FARS2: variants seen among roughly 807,000 people sequenced by gnomAD.
FARS2 encodes phenylalanyl-tRNA synthetase 2, mitochondrial, also known as phenylalanine--tRNA ligase, mitochondrial.
A neutral mutation model predicts 46.4 loss-of-function variants in FARS2; 40 were observed. That is an observed-to-expected ratio of 0.86 (90% CI 0.67 to 1.12). The LOEUF (loss-of-function observed/expected upper bound fraction) is 1.12. Ranked by LOEUF, FARS2 falls within the 50% of genes most tolerant of loss-of-function variation. The pLI is 0.00. For synonymous variants in FARS2, 234 were observed against 214.9 expected, an observed-to-expected ratio of 1.09 and a Z score of -0.78; for missense variants, 513 against 567.9, an observed-to-expected ratio of 0.90 and a Z score of 0.98.
intron 1 of FARS2, among the ~76,000 whole-genome samples, chr6:5,290,631 T>C (rs897555292): frequency 6.6e-6 from 1 of 152,248 alleles, no homozygotes; most frequent in African/African-American, 2.4e-5. Context: ...CTGTGATTGG[T>C]TGATGAGCTC....
rs1762636685 is a variant in FARS2, at chr6:5,764,224, G to C, written c.1218-7067G>C. Among the ~76,000 whole-genome samples, 1 of 152,114 alleles carries C rather than the reference G, an allele frequency of 6.6e-6. No homozygotes were observed. The highest frequency in any genetic ancestry group is 1.5e-5 in the Non-Finnish European group (1 of 68,014). On this transcript the variant is annotated intron_variant, in intron 6 of 6. Transcript: ENST00000274680. The surrounding 1 kb of genome is among the most constrained non-coding windows in gnomAD (Gnocchi z 4.1). ...CGAGAAGGGTGATGTAAGCTGCCCA[G>C]AGTCGCACAGCTAGCAAAGGGCAGA...
intron 1 of FARS2, among the ~76,000 whole-genome samples, chr6:5,334,788 A>G (rs1337403833): frequency 1.3e-5 from 2 of 152,220 alleles, no homozygotes; most frequent in African/African-American, 4.8e-5. Context: ...TGTCTTTAAC[A>G]TAAAATAATT....
Position 5,631,425 on chromosome 6 carries a change from A to G in FARS2, c.1217+18105A>G, listed in dbSNP as rs376926989. ...GTTTAAGTAAAGGAGATCAATATAGATATTCAAGATTGAAAAATCCTAATA... is the reference window on the plus strand; with the variant it reads ...GTTTAAGTAAAGGAGATCAATATAGGTATTCAAGATTGAAAAATCCTAATA... On this transcript the variant is annotated intron_variant, in intron 6 of 6. Transcript: ENST00000274680. Among the ~76,000 whole-genome samples the G allele has an allele frequency of 2.6e-5, 4 of 152,368 alleles. No homozygotes were observed. In the South Asian group the frequency reaches 6.2e-4, roughly 24 times the overall value.
At chr6:5,445,357 G>A (rs774211984) in intron 4 of FARS2, among the ~76,000 whole-genome samples, 5 of 152,110 alleles carry the variant, frequency 3.3e-5, no homozygotes, top group Non-Finnish European at 7.3e-5. Context: ...TAGAAGTTTA[G>A]GAATTATTTA....
intron 6 of FARS2, among the ~76,000 whole-genome samples, chr6:5,674,615 T>G (rs1486606175): frequency 6.7e-6 from 1 of 149,870 alleles, no homozygotes; most frequent in African/African-American, 2.4e-5. Context: ...TTCAAATTTG[T>G]TTTTTTTCAC....
intron 5 of FARS2, among the ~76,000 whole-genome samples, chr6:5,566,118 C>T (rs904334735): frequency 6.6e-6 from 1 of 152,148 alleles, no homozygotes; most frequent in South Asian, 2.1e-4. Context: ...CATCTGGATG[C>T]TATGGGAGAA....
At chr6:5,697,965 A>C (rs1465161439) in intron 6 of FARS2, among the ~76,000 whole-genome samples, 1 of 152,198 alleles carries the variant, frequency 6.6e-6, no homozygotes, top group Non-Finnish European at 1.5e-5. Flanking sequence ...GTTAGAACTC[A>C]ATGTAGAAAA....
intron 4 of FARS2, among the ~76,000 whole-genome samples, chr6:5,530,460 A>G (rs192504552): frequency 2.0e-5 from 3 of 152,230 alleles, no homozygotes; most frequent in African/African-American, 7.2e-5. Context: ...AAAATGTCAA[A>G]ATTTGAATAT....
At chr6:5,659,245 T>G (rs6597156) in intron 6 of FARS2, among the ~76,000 whole-genome samples, 101,340 of 152,040 alleles carry the variant, frequency 0.67, 34,612 homozygotes, top group South Asian at 0.79. Flanking sequence ...TGGTGCTATT[T>G]TCTCATTTTC....
chr6:5,736,118 CCAAGCT>C (rs139345542), intron 6 of FARS2, among the ~76,000 whole-genome samples: 7,881 of 152,230 alleles, frequency 0.052, 671 homozygotes, highest in African/African-American at 0.18. Flanking sequence ...GGACCCCCTT[CCAAGCT>C]CAGTCAGTCG....
intron 6 of FARS2, among the ~76,000 whole-genome samples, chr6:5,652,149 C>T (rs1344328025): frequency 2.0e-5 from 3 of 152,196 alleles, no homozygotes; most frequent in Non-Finnish European, 2.9e-5. Flanking sequence ...CTAAGTGCTT[C>T]TCTTCGGTGA....
chr6:5,725,498 G>T (rs191480608), intron 6 of FARS2, among the ~76,000 whole-genome samples: 48 of 152,382 alleles, frequency 3.1e-4, no homozygotes, highest in Admixed American at 2.2e-3. Context: ...GCCACTGGCA[G>T]TGGGAAGAGT....
chr6:5,552,870 A>G (rs1009155185), intron 5 of FARS2, among the ~76,000 whole-genome samples: 1 of 152,170 alleles, frequency 6.6e-6, no homozygotes, highest in Admixed American at 6.5e-5. Context: ...TCTTTGTTGC[A>G]TATACTCCTG....
intron 3 of FARS2, among the ~76,000 whole-genome samples, chr6:5,425,208 G>C (rs529215373): frequency 2.6e-5 from 4 of 151,856 alleles, no homozygotes; most frequent in Non-Finnish European, 5.9e-5. Flanking sequence ...GGGTACCCCT[G>C]GTTTGGTGTA....
intron 6 of FARS2, among the ~76,000 whole-genome samples, chr6:5,719,396 T>TAAAAA (rs55695285): frequency 8.1e-6 from 1 of 123,048 alleles, no homozygotes; most frequent in Non-Finnish European, 1.6e-5. Flanking sequence ...CAAAAAAAAT[T>TAAAAA]AAAAAAAAAA....
Position 5,519,006 on chromosome 6 carries a change from G to T in FARS2, c.905-26174G>T, listed in dbSNP as rs188798218. On this transcript the variant is annotated intron_variant, in intron 4 of 6. Coordinates refer to ENST00000274680, the MANE Select transcript of FARS2 (RefSeq NM_006567.5). ...TAAGGAGCCATTTTGCACAAAATAGGTGATAATTTTGTGGTAAAATTTTAC... is the reference window on the plus strand; with the variant it reads ...TAAGGAGCCATTTTGCACAAAATAGTTGATAATTTTGTGGTAAAATTTTAC... Among the ~76,000 whole-genome samples the T allele has an allele frequency of 9.2e-5, 14 of 152,190 alleles. No individual in the cohort carries two copies. The East Asian group carries it at 2.7e-3, about 29-fold the overall frequency.
intron 1 of FARS2, among the ~76,000 whole-genome samples, chr6:5,323,492 G>C (rs1770130937): frequency 6.6e-6 from 1 of 152,128 alleles, no homozygotes; most frequent in Non-Finnish European, 1.5e-5. Flanking sequence ...TGCTTTCCTT[G>C]TACCTCAGAT....
At chr6:5,252,934 A>G in the FARS2 span, among the ~76,000 whole-genome samples, 18 of 152,166 alleles carry the variant, frequency 1.2e-4, no homozygotes, top group African/African-American at 4.1e-4. Flanking sequence ...TAAGCCCCCA[A>G]TTAAGCCCTG....
chr6:5,496,054 C>T (rs1015915407), intron 4 of FARS2, among the ~76,000 whole-genome samples: 1 of 152,176 alleles, frequency 6.6e-6, no homozygotes, highest in Non-Finnish European at 1.5e-5. Flanking sequence ...CACAACTCTC[C>T]CTGACTCCCC....
Sources: allele counts gnomAD v4.1 joint callset (sites outside exome capture counted in the v4.1 genomes callset), GRCh38; gene constraint gnomAD v4.1.1; non-coding constraint Gnocchi (gnomAD v3.1); transcripts MANE v1.5; gene names NCBI Gene and HGNC (gene_info 2026-07-23, HGNC 2026-07-21).